Variants in SH3BP5L observed in about 807,000 individuals in gnomAD.
SH3BP5L encodes SH3 binding domain protein 5 like.
SH3BP5L carries 16 observed loss-of-function variants against 40.9 expected under a neutral mutation model. That is an observed-to-expected ratio of 0.39 (90% confidence interval 0.27 to 0.59). SH3BP5L has a LOEUF of 0.59. Ranked by LOEUF, SH3BP5L falls within the 20% of genes least tolerant of loss-of-function variation. SH3BP5L has a pLI of 0.53. For synonymous variants in SH3BP5L, 229 were observed against 226.7 expected (o/e 1.01, Z -0.09); for missense variants, 471 against 544.6 (o/e 0.86, Z 1.35).
In SH3BP5L at chr1:248,825,099, G is replaced by A. The variant is rs1404011523; in HGVS notation, c.-164C>T. The A allele has an allele frequency of 6.8e-5, 95 of 1,403,068 alleles. No homozygotes were observed. The highest frequency in any genetic ancestry group is 8.2e-5 in the Non-Finnish European group (89 of 1,083,062). The allele number at this position is 1,403,068 out of a possible 1,614,324, so 86.9% of individuals were successfully genotyped here. A position where few individuals can be genotyped will look rare whatever the true frequency, so the allele number is the denominator to read the frequency against. On this transcript the variant is annotated 5_prime_UTR_variant, in exon 2 of 7. Coordinates refer to ENST00000366472, the MANE Select transcript of SH3BP5L (RefSeq NM_030645.3). ...GGAAGAACCTCACACTAGGTTAGAG[G>A]TTGAGATTCAAGTTGTCAGTGGGGT... is the stretch of plus-strand genomic sequence containing the variant.
chr1:248,820,389 G>A (rs1664226915), intron 2 of SH3BP5L: 1 of 152,246 alleles, frequency 6.6e-6, no homozygotes, highest in Non-Finnish European at 1.5e-5. Context: ...CTGTCAAGCT[G>A]AAAGGCAACC....
At chr1:248,813,234 C>A (rs1572179571) in intron 5 of SH3BP5L, 72 bp from the exon 6 acceptor site, 1 of 1,414,214 alleles carries the variant, frequency 7.1e-7, no homozygotes, top group Non-Finnish European at 9.3e-7. Flanking sequence ...GGCTGCCAAT[C>A]TGAACAACGC....
Position 248,825,082 on chromosome 1 carries a change from C to T in SH3BP5L, c.-147G>A. ...CAGAAAAGGTGGGCACAGGAAGAAC[C>T]TCACACTAGGTTAGAGGTTGAGATT... On this transcript the variant is annotated 5_prime_UTR_variant, in exon 2 of 7. Coordinates refer to ENST00000366472, the MANE Select transcript of SH3BP5L (RefSeq NM_030645.3). 1 of 1,426,374 alleles carries T rather than the reference C, an allele frequency of 7.0e-7. No homozygotes were observed. Among genetic ancestry groups the T allele is most frequent in the South Asian group, 1.5e-5 (1 of 65,616 alleles). The allele number at this position is 1,426,374 out of a possible 1,614,324, so 88.4% of individuals were successfully genotyped here.
At chr1:248,819,803 C>T (rs773514984) in intron 2 of SH3BP5L, among the ~76,000 whole-genome samples, 53 of 151,594 alleles carry the variant, frequency 3.5e-4, no homozygotes, top group Non-Finnish European at 5.9e-4. Context: ...CCATCCTGGG[C>T]TGCATGCGGC....
chr1:248,811,685 G>C lies in SH3BP5L; in HGVS notation c.*215C>G. 1 of 526,578 alleles carries C rather than the reference G, an allele frequency of 1.9e-6. No individual in the cohort carries two copies. The highest frequency in any genetic ancestry group is 3.3e-6 in the Non-Finnish European group (1 of 298,858). 32.6% of individuals were successfully genotyped at this position (526,578 alleles called of 1,614,324 possible). ...CGCCGAGGGCGAGCCTTCTGAATGGGTAAGGCAAAGAGAGCCGCCTGCTGA... is the reference window on the plus strand; with the variant it reads ...CGCCGAGGGCGAGCCTTCTGAATGGCTAAGGCAAAGAGAGCCGCCTGCTGA... On this transcript the variant is annotated 3_prime_UTR_variant, in exon 7 of 7. Coordinates refer to ENST00000366472, the MANE Select transcript of SH3BP5L (RefSeq NM_030645.3).
At chr1:248,820,908 T>C (rs1235024055) in intron 2 of SH3BP5L, 1 of 152,210 alleles carries the variant, frequency 6.6e-6, no homozygotes, top group Non-Finnish European at 1.5e-5. Context: ...CATAAGTTGT[T>C]ACTACTGTTA....
chr1:248,815,559 A>G (rs552518359), intron 4 of SH3BP5L, among the ~76,000 whole-genome samples: 3 of 152,200 alleles, frequency 2.0e-5, no homozygotes, highest in South Asian at 4.1e-4. Context: ...TAATTCCTAG[A>G]AACAGTAAAC....
In SH3BP5L at chr1:248,812,773, C is replaced by T. The variant is rs183040268; in HGVS notation, c.711+216G>A. ...TTGTTTACCTCCCTTCTTCCAACTA[C>T]GTTCTCGCCGTCACCAGCCCCCATC... On this transcript the variant is annotated intron_variant, in intron 6 of 6. Coordinates refer to ENST00000366472, the MANE Select transcript of SH3BP5L (RefSeq NM_030645.3). This position sits in a 1 kb window ranked among gnomAD's most constrained non-coding sequence, Gnocchi z 6.1. Among the ~76,000 whole-genome samples the T allele has an allele frequency of 4.1e-4, 62 of 152,290 alleles. No individual in the cohort carries two copies. Among genetic ancestry groups the T allele is most frequent in the Non-Finnish European group, 7.4e-4 (50 of 68,024 alleles).
chr1:248,823,938 A>G (rs1664311661), intron 2 of SH3BP5L, among the ~76,000 whole-genome samples: 1 of 152,166 alleles, frequency 6.6e-6, no homozygotes, highest in Non-Finnish European at 1.5e-5. Flanking sequence ...TTCTCAGCCA[A>G]TTCCCTGAAA....
rs1572181047 is a variant in SH3BP5L, at chr1:248,815,098, A to G, written c.376-488T>C. Among the ~76,000 whole-genome samples the G allele has an allele frequency of 2.0e-5, 3 of 152,238 alleles. No individual in the cohort carries two copies. In the South Asian group the frequency reaches 6.2e-4, roughly 31 times the overall value. On this transcript the variant is annotated intron_variant, in intron 4 of 6. Transcript: ENST00000366472. ...TTTTCAGTTATAGGACATCGGTTAA[A>G]TAAATAATAGTACATCTAATATAAG...
chr1:248,813,386 GACC>G (rs773180612), intron 5 of SH3BP5L: 5 of 424,534 alleles, frequency 1.2e-5, no homozygotes, highest in East Asian at 7.1e-5. Flanking sequence ...GACCGTCGAG[GACC>G]ACATCACAGG....
chr1:248,823,078 T>C (rs528901410), intron 2 of SH3BP5L, among the ~76,000 whole-genome samples: 1 of 152,210 alleles, frequency 6.6e-6, no homozygotes, highest in Non-Finnish European at 1.5e-5. Flanking sequence ...ACTACTACCA[T>C]GTGCCTATGC....
At chr1:248,820,110 T>A (rs1572184953) in intron 2 of SH3BP5L, among the ~76,000 whole-genome samples, 1 of 152,160 alleles carries the variant, frequency 6.6e-6, no homozygotes, top group South Asian at 2.1e-4. Flanking sequence ...ACCTAGACAG[T>A]GGCATGTGGC....
Position 248,812,863 on chromosome 1 carries a change from C to G in SH3BP5L, c.711+126G>C. ...TTGGAACATGTGTGCCACCACCCTT[C>G]CCCACCGCTAGCCGGAGGCCTCACC... On this transcript the variant is annotated intron_variant, in intron 6 of 6. Transcript: ENST00000366472. The surrounding 1 kb of genome is among the most constrained non-coding windows in gnomAD (Gnocchi z 6.1). 1.2e-6 allele frequency: 1 copy of G among 808,076 alleles called. No homozygotes were observed. The highest frequency in any genetic ancestry group is 1.9e-5 in the South Asian group (1 of 53,584). 50.1% of individuals were successfully genotyped at this position (808,076 alleles called of 1,614,324 possible).
intron 2 of SH3BP5L, chr1:248,817,177 A>C: frequency 1.5e-6 from 1 of 673,346 alleles, no homozygotes; most frequent in Non-Finnish European, 2.4e-6. Flanking sequence ...AATATGCACA[A>C]CGTGAAGTTG....
intron 2 of SH3BP5L, among the ~76,000 whole-genome samples, chr1:248,819,216 G>A (rs1235401221): frequency 2.6e-5 from 4 of 152,120 alleles, no homozygotes; most frequent in Admixed American, 2.6e-4. Context: ...AATGGAACGA[G>A]GAATGAGGAT....
chr1:248,824,820 C>G lies in SH3BP5L; in HGVS notation c.116G>C (p.Gly39Ala). The G allele has an allele frequency of 6.2e-7, 1 of 1,614,204 alleles. No homozygotes were observed. Among genetic ancestry groups the G allele is most frequent in the Non-Finnish European group, 8.5e-7 (1 of 1,180,032 alleles). The part of the protein sequence containing the change: ...RSPVAEEPGG[G>A]GSSSSEAKLS... ...TTTGGCCTCACTGCTGCTGCTTCCA[C>G]CTCCTCCAGGCTCTTCTGCGACTGG... The change falls in exon 2 of 7, where the codon GGT (glycine) becomes GCT (alanine). Residue 39 changes from glycine (G) to alanine (A), a missense_variant. Physicochemically the swap from Gly to Ala is moderately conservative, Grantham distance 60 (BLOSUM62 0). This residue lies in a region of SH3BP5L where 275 missense variants were observed against 370.1 expected (regional missense o/e 0.74). Transcript: ENST00000366472.
At chr1:248,815,815 G>A (rs779293818) in intron 4 of SH3BP5L, among the ~76,000 whole-genome samples, 15 of 152,100 alleles carry the variant, frequency 9.9e-5, no homozygotes, top group Non-Finnish European at 1.3e-4. Flanking sequence ...TCCTTTCCAC[G>A]AAAACCACAC....
At chr1:248,816,387 C>T in intron 4 of SH3BP5L, 147 bp downstream of exon 4, 5 of 908,430 alleles carry the variant, frequency 5.5e-6, no homozygotes, top group Non-Finnish European at 8.3e-6. Flanking sequence ...CCTCCTGAGC[C>T]CACAGAGCTG....
Sources: gnomAD v4.1 joint callset for allele counts (sites outside exome capture counted in the v4.1 genomes callset) on GRCh38, gnomAD v4.1.1 for gene constraint, gnomAD v4.1.1 regional missense constraint, Gnocchi (gnomAD v3.1) non-coding constraint, MANE v1.5 for transcripts, NCBI Gene and HGNC (gene_info 2026-07-23, HGNC 2026-07-21) for gene names.